Variants in CUEDC1 observed in about 807,000 individuals in gnomAD.
CUEDC1 encodes CUE domain-containing protein 1.
A neutral mutation model predicts 43.7 loss-of-function variants in CUEDC1; 30 were observed. The ratio of observed to expected loss-of-function variants is 0.69; its 90% CI spans 0.51 to 0.93. The LOEUF is 0.93. CUEDC1 is among the 40% of genes least tolerant of loss of function. CUEDC1 has a pLI of 0.00. For missense variants in CUEDC1, 486 were observed against 549.0 expected, an observed-to-expected ratio of 0.89 and a Z score of 1.15; for synonymous variants, 223 against 223.6, an observed-to-expected ratio of 1.00 and a Z score of 0.02.
intron 10 of CUEDC1, among the ~76,000 whole-genome samples, chr17:57,865,821 T>G (rs1024878928): frequency 1.1e-4 from 15 of 134,752 alleles, no homozygotes; most frequent in Non-Finnish European, 2.1e-4. Flanking sequence ...GTTTTTCTTT[T>G]TCTTTTTTTT....
At chr17:57,944,772 C>T (rs2074946388) in intron 1 of CUEDC1, among the ~76,000 whole-genome samples, 1 of 152,210 alleles carries the variant, frequency 6.6e-6, no homozygotes, top group African/African-American at 2.4e-5. Context: ...CTCCTTCAGG[C>T]ATGGAGATTT....
At chr17:57,939,115 G>A (rs1024548929) in intron 1 of CUEDC1, among the ~76,000 whole-genome samples, 5 of 151,662 alleles carry the variant, frequency 3.3e-5, no homozygotes, top group African/African-American at 1.2e-4. Context: ...CTACAGGAGT[G>A]TGACACCATG....
At chr17:57,883,260 A>T (rs925562133) in intron 2 of CUEDC1, among the ~76,000 whole-genome samples, 1 of 152,242 alleles carries the variant, frequency 6.6e-6, no homozygotes, top group African/African-American at 2.4e-5. Flanking sequence ...GGTGCTGCAG[A>T]TGACACAGGG....
Position 57,867,382 on chromosome 17 carries a change from C to A in CUEDC1, c.1068G>T (p.Leu356=). Residue 356 remains leucine, a synonymous_variant, in exon 9 of 11, where the codon CTG becomes CTT. Coordinates refer to ENST00000577830, the MANE Select transcript of CUEDC1 (RefSeq NM_001271875.2). ...CACACGCGTGGCCCTCCACATCATC[C>A]AGGAGGTTGGCTGTTGACGCGGCAG... The part of the protein sequence containing the change: ...LGAAASTANL[L]DDVEGHACDE... 3 of 1,552,538 alleles carry A rather than the reference C, an allele frequency of 1.9e-6. No individual in the cohort carries two copies. Among genetic ancestry groups the A allele is most frequent in the Non-Finnish European group, 2.6e-6 (3 of 1,147,422 alleles).
In CUEDC1 at chr17:57,931,255, G is replaced by T. The variant is rs143390903; in HGVS notation, c.-316+23970C>A. 2.6e-5 allele frequency among the ~76,000 whole-genome samples: 4 copies of T among 151,992 alleles called. No individual in the cohort carries two copies. The East Asian group carries it at 7.7e-4, about 29-fold the overall frequency. On this transcript the variant is annotated intron_variant, in intron 1 of 10. Transcript: ENST00000577830. Reference sequence around the variant, plus strand: ...TGAGCTGTGTTCACACTCCAGCCTGGGTGACTAAGTGACATCCTGTCTCAA... The same window carrying T: ...TGAGCTGTGTTCACACTCCAGCCTGTGTGACTAAGTGACATCCTGTCTCAA...
intron 1 of CUEDC1, among the ~76,000 whole-genome samples, chr17:57,886,479 C>T (rs1397816762): frequency 6.6e-6 from 1 of 152,230 alleles, no homozygotes; most frequent in East Asian, 1.9e-4. Flanking sequence ...CCTCCAGTGT[C>T]ACCGGGAGCT....
intron 1 of CUEDC1, among the ~76,000 whole-genome samples, chr17:57,905,044 C>T (rs2074513943): frequency 6.6e-6 from 1 of 152,058 alleles, no homozygotes; most frequent in Non-Finnish European, 1.5e-5. Flanking sequence ...ACCAGCTGCC[C>T]GGGGCTCTGC....
chr17:57,951,743 G>T (rs1289867180), intron 1 of CUEDC1, among the ~76,000 whole-genome samples: 1 of 152,174 alleles, frequency 6.6e-6, no homozygotes, highest in Admixed American at 6.5e-5. Flanking sequence ...ACAGGCAGGA[G>T]CCACCACGCC....
chr17:57,927,088 T>G (rs753239529), intron 1 of CUEDC1, among the ~76,000 whole-genome samples: 3 of 152,178 alleles, frequency 2.0e-5, no homozygotes, highest in Non-Finnish European at 2.9e-5. Context: ...GTTAATGTAA[T>G]TAAGGGCTCA....
At chr17:57,871,399 G>A in intron 5 of CUEDC1, 30 bp from the exon 6 acceptor site, 9 of 1,595,926 alleles carry the variant, frequency 5.6e-6, no homozygotes, top group Non-Finnish European at 7.7e-6. Flanking sequence ...ACAGGTCAGG[G>A]AGGTTAGCTC....
chr17:57,941,136 C>T (rs2143207349), intron 1 of CUEDC1, among the ~76,000 whole-genome samples: 1 of 152,334 alleles, frequency 6.6e-6, no homozygotes, highest in East Asian at 1.9e-4. Flanking sequence ...GAGCAGGTGG[C>T]TGATGGAAAA....
chr17:57,887,527 T>G (rs1208491262), intron 1 of CUEDC1, among the ~76,000 whole-genome samples: 1 of 151,896 alleles, frequency 6.6e-6, no homozygotes, highest in Non-Finnish European at 1.5e-5. Context: ...GGTCTCACTT[T>G]GTCGCCCAGG....
At chr17:57,924,737 A>T (rs2074730335) in intron 1 of CUEDC1, among the ~76,000 whole-genome samples, 1 of 152,196 alleles carries the variant, frequency 6.6e-6, no homozygotes, top group Non-Finnish European at 1.5e-5. Context: ...AGGCCATGCT[A>T]GAAGCCGCTG....
chr17:57,865,704 C>T (rs1345370411), intron 10 of CUEDC1, among the ~76,000 whole-genome samples: 1 of 152,192 alleles, frequency 6.6e-6, no homozygotes, highest in East Asian at 1.9e-4. Flanking sequence ...GAAACCGCTG[C>T]CTCAGGAGGG....
At chr17:57,863,894 G>C (rs1040214901) in intron 10 of CUEDC1, among the ~76,000 whole-genome samples, 2 of 151,642 alleles carry the variant, frequency 1.3e-5, no homozygotes, top group African/African-American at 2.4e-5. Context: ...CCAGCTACTC[G>C]GGAGGCTGAG....
At chr17:57,936,346 C>T (rs1018171678) in intron 1 of CUEDC1, among the ~76,000 whole-genome samples, 1 of 152,204 alleles carries the variant, frequency 6.6e-6, no homozygotes, top group Non-Finnish European at 1.5e-5. Context: ...CTAAATAATT[C>T]AGCCCTCCAA....
chr17:57,914,086 C>T (rs544478237), intron 1 of CUEDC1, among the ~76,000 whole-genome samples: 4 of 152,278 alleles, frequency 2.6e-5, no homozygotes, highest in South Asian at 4.1e-4. Flanking sequence ...ACCTGGAAGG[C>T]GGGATTTTTT....
chr17:57,901,489 T>C (rs1287524707), intron 1 of CUEDC1, among the ~76,000 whole-genome samples: 1 of 152,248 alleles, frequency 6.6e-6, no homozygotes, highest in Admixed American at 6.5e-5. Context: ...TGAATATTTA[T>C]TTTCTTCATT....
At chr17:57,901,551 C>A (rs2074472486) in intron 1 of CUEDC1, among the ~76,000 whole-genome samples, 2 of 152,350 alleles carry the variant, frequency 1.3e-5, no homozygotes, top group Non-Finnish European at 2.9e-5. Context: ...AGTCTGCACA[C>A]CTGGGCTTAG....
Sources: allele counts gnomAD v4.1 joint callset (sites outside exome capture counted in the v4.1 genomes callset), GRCh38; gene constraint gnomAD v4.1.1; transcripts MANE v1.5; gene names NCBI Gene and HGNC (gene_info 2026-07-23, HGNC 2026-07-21).